GRID2: variants seen among roughly 807,000 people sequenced by gnomAD.
GRID2 encodes the protein glutamate receptor ionotropic, delta-2.
Under a neutral mutation model 114.8 loss-of-function variants are expected in GRID2, and 33 were observed. The ratio of observed to expected loss-of-function variants is 0.29; its 90% CI spans 0.22 to 0.38. The LOEUF is 0.38. GRID2 is among the 10% of genes least tolerant of loss of function. The probability of loss-of-function intolerance (pLI) is 1.00; values close to 1 mark genes in which losing one functional copy is unlikely to be tolerated. For missense variants in GRID2, 1,184 were observed against 1,257.7 expected, an observed-to-expected ratio of 0.94 and a Z score of 0.89; for synonymous variants, 505 against 449.9, an observed-to-expected ratio of 1.12 and a Z score of -1.55.
At chr4:92,467,333 T>C (rs1253674889) in intron 1 of GRID2, among the ~76,000 whole-genome samples, 2 of 152,002 alleles carry the variant, frequency 1.3e-5, no homozygotes, top group African/African-American at 4.8e-5. Context: ...ACAAAATGTT[T>C]ATAAACACGT....
At chr4:93,043,908 T>C (rs1725869212) in intron 2 of GRID2, among the ~76,000 whole-genome samples, 1 of 151,318 alleles carries the variant, frequency 6.6e-6, no homozygotes, top group Non-Finnish European at 1.5e-5. Flanking sequence ...GAACTTAAAG[T>C]ATAATTAAAA....
At chr4:92,721,754 C>T (rs943377814) in intron 2 of GRID2, among the ~76,000 whole-genome samples, 2 of 152,068 alleles carry the variant, frequency 1.3e-5, no homozygotes, top group Non-Finnish European at 2.9e-5. Flanking sequence ...TAGAAATTTT[C>T]AGAAGGAACA....
intron 2 of GRID2, among the ~76,000 whole-genome samples, chr4:92,789,987 C>T (rs1005197307): frequency 8.6e-5 from 13 of 151,990 alleles, no homozygotes; most frequent in South Asian, 6.2e-4. Flanking sequence ...GCAAAAGACT[C>T]AGATGGGACT....
chr4:93,018,209 A>C (rs1403185235), intron 2 of GRID2, among the ~76,000 whole-genome samples: 1 of 123,122 alleles, frequency 8.1e-6, no homozygotes, highest in Non-Finnish European at 1.6e-5. Context: ...TTAAGTTCCC[A>C]GTGTATTTTG....
intron 1 of GRID2, among the ~76,000 whole-genome samples, chr4:92,577,037 A>G (rs993292384): frequency 6.6e-6 from 1 of 152,190 alleles, no homozygotes; most frequent in Admixed American, 6.5e-5. Context: ...TTAATTGCCA[A>G]CATAAATTCT....
chr4:93,804,359 T>A (rs560084011), intron 1 of GRID2, among the ~76,000 whole-genome samples: 269 of 152,270 alleles, frequency 1.8e-3, no homozygotes, highest in African/African-American at 5.9e-3. Flanking sequence ...TAAACCTAGA[T>A]GGTTTAGCCT....
chr4:92,425,624 T>C (rs1732123116), intron 1 of GRID2, among the ~76,000 whole-genome samples: 1 of 152,074 alleles, frequency 6.6e-6, no homozygotes, highest in Non-Finnish European at 1.5e-5. Context: ...AGTATGTTTG[T>C]GTAGCTTATT....
intron 1 of GRID2, among the ~76,000 whole-genome samples, chr4:92,360,973 T>C (rs1728591463): frequency 6.6e-6 from 1 of 152,036 alleles, no homozygotes; most frequent in Admixed American, 6.6e-5. Context: ...TGCTTGAGGG[T>C]AAGGACTAGG....
intron 1 of GRID2, among the ~76,000 whole-genome samples, chr4:92,319,067 A>G (rs1469978974): frequency 3.3e-5 from 5 of 152,142 alleles, no homozygotes; most frequent in Non-Finnish European, 7.4e-5. Context: ...AATGTATAAT[A>G]TTTTTGTTAG....
At chr4:93,805,084 A>T (rs944231018) in intron 1 of GRID2, among the ~76,000 whole-genome samples, 2 of 152,202 alleles carry the variant, frequency 1.3e-5, no homozygotes, top group African/African-American at 4.8e-5. Flanking sequence ...TAATAGCTTA[A>T]TTTATTTTTT....
At chr4:93,138,410 C>T (rs1414026544) in intron 4 of GRID2, among the ~76,000 whole-genome samples, 1 of 152,264 alleles carries the variant, frequency 6.6e-6, no homozygotes, top group Non-Finnish European at 1.5e-5. Flanking sequence ...ATGTTTACTA[C>T]TTATGTTTGT....
intron 15 of GRID2, 55 bp from the exon 16 acceptor site, chr4:93,772,021 T>A: frequency 1.9e-6 from 2 of 1,027,072 alleles, no homozygotes; most frequent in Non-Finnish European, 2.9e-6. Context: ...TTTTTTTTTT[T>A]AACCATCAAA....
At chr4:92,684,471 T>C (rs1009971088) in intron 2 of GRID2, among the ~76,000 whole-genome samples, 4 of 152,048 alleles carry the variant, frequency 2.6e-5, no homozygotes, top group Admixed American at 2.0e-4. Context: ...CTCTTTCTCC[T>C]CTGCCCCTCA....
chr4:93,521,909 G>A (rs1179901289), intron 13 of GRID2, among the ~76,000 whole-genome samples: 1 of 152,138 alleles, frequency 6.6e-6, no homozygotes, highest in African/African-American at 2.4e-5. Context: ...TTTGCTGAAA[G>A]AAAATGCTGA....
chr4:93,060,290 A>T (rs1010127697), intron 2 of GRID2, among the ~76,000 whole-genome samples: 1 of 152,244 alleles, frequency 6.6e-6, no homozygotes, highest in South Asian at 2.1e-4. Flanking sequence ...TTGGAAAAAT[A>T]AAAAATTGGA....
At chr4:92,804,600 G>C (rs1270653462) in intron 2 of GRID2, among the ~76,000 whole-genome samples, 1 of 151,978 alleles carries the variant, frequency 6.6e-6, no homozygotes, top group African/African-American at 2.4e-5. Flanking sequence ...TTTTGAGTAA[G>C]AAATTGTTTT....
intron 2 of GRID2, among the ~76,000 whole-genome samples, chr4:92,608,649 T>C (rs1729575484): frequency 6.6e-6 from 1 of 151,848 alleles, no homozygotes; most frequent in South Asian, 2.1e-4. Flanking sequence ...ACATGGATGG[T>C]TTCCTAACTG....
Position 92,890,899 on chromosome 4 carries a change from G to A in GRID2, c.245-194096G>A, listed in dbSNP as rs577286307. On this transcript the variant is annotated intron_variant, in intron 2 of 15. Coordinates refer to ENST00000282020, the MANE Select transcript of GRID2 (RefSeq NM_001510.4). ...CAATGATAGACTGGATAAAGAAAAT[G>A]TGGCACATATACACCATGGAATACT... Among the ~76,000 whole-genome samples the A allele has an allele frequency of 2.0e-5, 3 of 152,308 alleles. No individual in the cohort carries two copies. The South Asian group carries it at 6.2e-4, about 32-fold the overall frequency.
chr4:93,304,631 AGAGGC>A (rs1464967020), intron 8 of GRID2, among the ~76,000 whole-genome samples: 1 of 152,210 alleles, frequency 6.6e-6, no homozygotes, highest in African/African-American at 2.4e-5. Flanking sequence ...AGGAATGTAA[AGAGGC>A]CCTTTTTATT....
Sources: gnomAD v4.1 joint callset for allele counts (sites outside exome capture counted in the v4.1 genomes callset) on GRCh38, gnomAD v4.1.1 for gene constraint, MANE v1.5 for transcripts, NCBI Gene and HGNC (gene_info 2026-07-23, HGNC 2026-07-21) for gene names.